Variants in RBFOX2 observed in about 807,000 individuals in gnomAD.
RBFOX2 encodes the protein RNA binding protein fox-1 homolog 2.
RBFOX2 carries 10 observed loss-of-function variants against 49.1 expected under a neutral mutation model. That is an observed-to-expected ratio of 0.20 (90% CI 0.13 to 0.35). RBFOX2 has a LOEUF of 0.35. Among genes scored for constraint, RBFOX2 ranks in the 10% least tolerant of loss-of-function variants. The pLI is 1.00. For synonymous variants in RBFOX2, 183 were observed against 187.4 expected (o/e 0.98, Z 0.19); for missense variants, 323 against 486.9 (o/e 0.66, Z 3.17).
At chr22:36,022,309 C>T (rs749482084) in intron 1 of RBFOX2, among the ~76,000 whole-genome samples, 4 of 152,118 alleles carry the variant, frequency 2.6e-5, no homozygotes, top group Non-Finnish European at 4.4e-5. Context: ...CACCAGTCTG[C>T]TTTACAGCAA....
chr22:35,961,769 G>A (rs757774904), upstream of RBFOX2: 82 of 1,190,888 alleles, frequency 6.9e-5, no homozygotes, highest in Middle Eastern at 2.4e-4. Flanking sequence ...CCAAAAAGAC[G>A]ATGCTTTCAA....
intron 1 of RBFOX2, among the ~76,000 whole-genome samples, chr22:35,977,761 T>TATATATAA (rs1259422253): frequency 1.1e-5 from 1 of 90,936 alleles, no homozygotes; most frequent in African/African-American, 4.0e-5. Context: ...TATATATATA[T>TATATATAA]ACATGCACAC....
At chr22:35,931,259 A>G (rs1010802225) in intron 1 of RBFOX2, among the ~76,000 whole-genome samples, 54 of 151,762 alleles carry the variant, frequency 3.6e-4, no homozygotes, top group Non-Finnish European at 6.0e-4. Flanking sequence ...AACAGGGGGG[A>G]AAAAAAGCAA....
intron 9 of RBFOX2, among the ~76,000 whole-genome samples, chr22:35,758,359 G>A (rs576453564): frequency 1.3e-5 from 2 of 152,164 alleles, no homozygotes; most frequent in Non-Finnish European, 2.9e-5. Context: ...ACTTTATAAA[G>A]TAATTCAGCA....
At chr22:35,954,294 T>A (rs1320905568) in intron 1 of RBFOX2, among the ~76,000 whole-genome samples, 1 of 152,210 alleles carries the variant, frequency 6.6e-6, no homozygotes, top group Non-Finnish European at 1.5e-5. Context: ...CTGTGAAGAT[T>A]AAACGAAACA....
chr22:35,990,811 G>A (rs1208328463), intron 1 of RBFOX2, among the ~76,000 whole-genome samples: 1 of 152,168 alleles, frequency 6.6e-6, no homozygotes, highest in Non-Finnish European at 1.5e-5. Context: ...TGACAGTACT[G>A]CATAAGGGAA....
At chr22:35,971,454 G>C (rs918512660) in intron 1 of RBFOX2, among the ~76,000 whole-genome samples, 1 of 152,002 alleles carries the variant, frequency 6.6e-6, no homozygotes, top group African/African-American at 2.4e-5. Flanking sequence ...ATGCCTCCCA[G>C]GTCCAGAAAA....
upstream of RBFOX2, among the ~76,000 whole-genome samples, chr22:35,943,081 T>A (rs2053878683): frequency 6.6e-6 from 1 of 152,202 alleles, no homozygotes; most frequent in Non-Finnish European, 1.5e-5. Flanking sequence ...GCCTCCAGAC[T>A]TAGGTCTTGA....
chr22:35,977,233 A>C (rs1160356301), intron 1 of RBFOX2, among the ~76,000 whole-genome samples: 2 of 152,100 alleles, frequency 1.3e-5, no homozygotes, highest in South Asian at 2.1e-4. Context: ...TGCTGACAGG[A>C]ATCCAAAGTG....
At chr22:36,012,627 G>A (rs1432566989) in intron 1 of RBFOX2, among the ~76,000 whole-genome samples, 1 of 152,000 alleles carries the variant, frequency 6.6e-6, no homozygotes, top group African/African-American at 2.4e-5. Context: ...TAATTGTTGA[G>A]TATTACGAGC....
At chr22:35,743,963 AAAG>A (rs937320638) in exon 12 of RBFOX2, 3 of 407,862 alleles carry the variant, frequency 7.4e-6, no homozygotes, top group African/African-American at 4.1e-5. Flanking sequence ...TTAAAAAAAA[AAAG>A]AAAAAAATGC....
intron 1 of RBFOX2, among the ~76,000 whole-genome samples, chr22:35,915,731 TC>T (rs1035930249): frequency 6.6e-5 from 10 of 152,090 alleles, no homozygotes; most frequent in African/African-American, 2.4e-4. Flanking sequence ...ATGAATCAGC[TC>T]TAGTTCACCT....
At chr22:35,840,357 TC>T in exon 1 of RBFOX2, 1 of 1,550,300 alleles carries the variant, frequency 6.5e-7, no homozygotes, top group African/African-American at 1.4e-5. Context: ...CCGTTTTCCT[TC>T]CTTTTTCTTT....
At chr22:35,763,311 C>T (rs1939643468) in intron 6 of RBFOX2, among the ~76,000 whole-genome samples, 1 of 152,210 alleles carries the variant, frequency 6.6e-6, no homozygotes, top group South Asian at 2.1e-4. Flanking sequence ...CCTGTAATCC[C>T]AGCACTTTGG....
chr22:35,755,732 T>C (rs1936676060), intron 9 of RBFOX2, among the ~76,000 whole-genome samples: 1 of 152,008 alleles, frequency 6.6e-6, no homozygotes, highest in Non-Finnish European at 1.5e-5. Context: ...GCTAGTCCTG[T>C]TATTTATGTA....
At chr22:35,904,893 G>C (rs1261177101) in intron 1 of RBFOX2, among the ~76,000 whole-genome samples, 1 of 152,190 alleles carries the variant, frequency 6.6e-6, no homozygotes, top group South Asian at 2.1e-4. Flanking sequence ...CACATGTCAA[G>C]TGCTCAAGAG....
intron 1 of RBFOX2, among the ~76,000 whole-genome samples, chr22:35,975,533 T>C (rs749200618): frequency 6.6e-6 from 1 of 152,220 alleles, no homozygotes; most frequent in Non-Finnish European, 1.5e-5. Flanking sequence ...AAATAACTAT[T>C]ACTATCAGGT....
intron 1 of RBFOX2, among the ~76,000 whole-genome samples, chr22:35,901,650 A>G (rs1179679998): frequency 2.6e-5 from 4 of 152,182 alleles, no homozygotes; most frequent in Admixed American, 6.5e-5. Context: ...TGTCTAAACT[A>G]AGCTCTAGAT....
intron 1 of RBFOX2, among the ~76,000 whole-genome samples, chr22:35,825,732 G>T (rs1346251373): frequency 3.3e-5 from 5 of 152,220 alleles, no homozygotes. Context: ...TGTAATCCCA[G>T]CACTCTGGGA....
Sources: allele counts gnomAD v4.1 joint callset (sites outside exome capture counted in the v4.1 genomes callset), GRCh38; gene constraint gnomAD v4.1.1; transcripts MANE v1.5; gene names NCBI Gene and HGNC (gene_info 2026-07-23, HGNC 2026-07-21).